Variants in SLC12A1 observed in about 807,000 individuals in gnomAD.
The protein encoded by SLC12A1 is Na-K-2Cl cotransporter.
In SLC12A1, 89 loss-of-function variants were observed where a neutral mutation model predicts 130.4. The ratio of observed to expected loss-of-function variants is 0.68; its 90% CI spans 0.58 to 0.81. The LOEUF is 0.81. Among genes scored for constraint, SLC12A1 ranks in the 40% least tolerant of loss-of-function variants. The probability of loss-of-function intolerance (pLI) is 0.00; values close to 1 mark genes in which losing one functional copy is unlikely to be tolerated. For missense variants in SLC12A1, 1,310 were observed against 1,336.4 expected, an observed-to-expected ratio of 0.98 and a Z score of 0.31; for synonymous variants, 499 against 460.0, an observed-to-expected ratio of 1.08 and a Z score of -1.09.
chr15:48,209,613 T>A (rs1169024870), intron 2 of SLC12A1, among the ~76,000 whole-genome samples: 3 of 152,216 alleles, frequency 2.0e-5, no homozygotes, highest in Non-Finnish European at 1.5e-5. Flanking sequence ...GTTCCTTCAA[T>A]ATTTTTTTAA....
intron 2 of SLC12A1, among the ~76,000 whole-genome samples, chr15:48,208,881 G>A (rs2141001097): frequency 6.6e-6 from 1 of 152,244 alleles, no homozygotes; most frequent in Admixed American, 6.5e-5. Flanking sequence ...AGAAAGGGCA[G>A]AGATTTATAA....
intron 2 of SLC12A1, among the ~76,000 whole-genome samples, chr15:48,208,510 G>T (rs1461714900): frequency 6.6e-6 from 1 of 152,034 alleles, no homozygotes; most frequent in Non-Finnish European, 1.5e-5. Context: ...ACAGGGTCTT[G>T]CTATGTTGCT....
rs75023774 is a variant in SLC12A1, at chr15:48,235,818, C to T, written c.1215+814C>T. 3.1e-3 allele frequency among the ~76,000 whole-genome samples: 477 copies of T among 152,174 alleles called. 2 individuals carry two copies. Among genetic ancestry groups the T allele is most frequent in the African/African-American group, 0.011 (460 of 41,510 alleles). ...AGATAACCTCTTTGTTTCACCGTTA[C>T]TTTGGGGCTTGCCCTCCATCTGCAA... On this transcript the variant is annotated intron_variant, in intron 9 of 26. Coordinates refer to ENST00000380993, the MANE Select transcript of SLC12A1 (RefSeq NM_000338.3).
At chr15:48,299,456 T>G in intron 25 of SLC12A1, among the ~76,000 whole-genome samples, 181 bp downstream of exon 25, 1 of 152,358 alleles carries the variant, frequency 6.6e-6, no homozygotes, top group Non-Finnish European at 1.5e-5. Context: ...TAGAAAACTT[T>G]TTCATTTTTT....
intron 24 of SLC12A1, among the ~76,000 whole-genome samples, chr15:48,293,702 G>A (rs1257915071): frequency 1.3e-5 from 2 of 152,090 alleles, no homozygotes; most frequent in East Asian, 3.8e-4. Context: ...ATTCTTTGAG[G>A]TTATTCATGA....
intron 15 of SLC12A1, among the ~76,000 whole-genome samples, chr15:48,254,764 A>G (rs997716911): frequency 6.6e-6 from 1 of 152,010 alleles, no homozygotes; most frequent in African/African-American, 2.4e-5. Context: ...TACTTAAAAA[A>G]ATACAAAAAA....
At position 48,244,767 on chromosome 15, in the gene SLC12A1, C is replaced by G; in HGVS notation, c.1315C>G (p.Arg439Gly). Residue 439 changes from arginine (R) to glycine (G), a missense_variant, in exon 11 of 27, where the codon CGA becomes GGA. Transcript: ENST00000380993. ...TGTTTCCACAGGGGCCTGTGTGGTCCGAGATGCCACCGGGAACATGAATGA... is the reference window on the plus strand; with the variant it reads ...TGTTTCCACAGGGGCCTGTGTGGTCGGAGATGCCACCGGGAACATGAATGA... ...VAICVGACVV[R>G]DATGNMNDTI... 6.2e-7 allele frequency: 1 copy of G among 1,613,766 alleles called. No homozygotes were observed. Among genetic ancestry groups the G allele is most frequent in the Non-Finnish European group, 8.5e-7 (1 of 1,179,848 alleles).
At chr15:48,279,946 G>C (rs2041993785) in intron 20 of SLC12A1, among the ~76,000 whole-genome samples, 1 of 152,148 alleles carries the variant, frequency 6.6e-6, no homozygotes, top group Non-Finnish European at 1.5e-5. Flanking sequence ...ACAGCACATT[G>C]ATTCATATGA....
intron 15 of SLC12A1, among the ~76,000 whole-genome samples, chr15:48,253,215 G>A (rs766900060): frequency 2.6e-5 from 4 of 152,120 alleles, no homozygotes; most frequent in Non-Finnish European, 5.9e-5. Flanking sequence ...ACTTACATAT[G>A]GCAAAATTCA....
Position 48,208,054 on chromosome 15 carries a change from TAG to T in SLC12A1, c.338_339del (p.Glu113ValfsTer4), listed in dbSNP as rs769340720. ...AACACCATGGATGCCGTTCCCAAGA[TAG>T]AGTACTATCGTAACACCGGCAGCAT... On this transcript the variant is annotated frameshift_variant, in exon 2 of 27. Transcript: ENST00000380993. LOFTEE classifies it high-confidence loss of function. The T allele has an allele frequency of 6.2e-7, 1 of 1,613,972 alleles. No individual in the cohort carries two copies.
chr15:48,229,764 A>C (rs992597991), intron 6 of SLC12A1, among the ~76,000 whole-genome samples: 3 of 152,234 alleles, frequency 2.0e-5, no homozygotes, highest in Non-Finnish European at 4.4e-5. Context: ...ACTCCAGAAA[A>C]CTAGCCATTT....
chr15:48,220,596 T>G (rs1418399196), intron 2 of SLC12A1, 38 bp from the exon 3 acceptor site: 1 of 1,587,870 alleles, frequency 6.3e-7, no homozygotes, highest in Non-Finnish European at 8.6e-7. Flanking sequence ...CTTTGTTCAT[T>G]GACCAACTAC....
At chr15:48,285,054 T>C (rs2042042881) in intron 20 of SLC12A1, 52 bp from the exon 21 acceptor site, 2 of 1,395,006 alleles carry the variant, frequency 1.4e-6, no homozygotes, top group Non-Finnish European at 1.9e-6. Flanking sequence ...AGATTGTTTC[T>C]AGAAACTTTG....
In SLC12A1 at chr15:48,229,291, T is replaced by C; in HGVS notation, c.827T>C (p.Val276Ala). The C allele has an allele frequency of 3.7e-6, 6 of 1,605,138 alleles. No homozygotes were observed. Among genetic ancestry groups the C allele is most frequent in the Non-Finnish European group, 5.1e-6 (6 of 1,175,458 alleles). The change falls in exon 6 of 27, where the codon GTG (valine) becomes GCG (alanine). Residue 276 changes from valine (V) to alanine (A), a missense_variant. Val to Ala is a moderately conservative substitution (Grantham distance 64, BLOSUM62 0). Transcript: ENST00000380993. Reference sequence around the variant, plus strand: ...AATGCAGTGGCTGTTGCTATGTATGTGGTGGGATTTGCTGAGACTGTAGTA... The same window carrying C: ...AATGCAGTGGCTGTTGCTATGTATGCGGTGGGATTTGCTGAGACTGTAGTA... ...FANAVAVAMY[V>A]VGFAETVVDL... is the part of the protein sequence containing the mutation.
intron 2 of SLC12A1, among the ~76,000 whole-genome samples, chr15:48,210,693 TAA>T (rs34235092): frequency 0.016 from 1,978 of 122,624 alleles, 23 homozygotes; most frequent in African/African-American, 0.034. Context: ...CTTCTCTACT[TAA>T]AAAAAAAAAA....
Position 48,256,305 on chromosome 15 carries a change from G to T in SLC12A1, c.2042+395G>T, listed in dbSNP as rs375836180. ...TAATCCTTTTAGCTTTTCATTAGTT[G>T]TATCTTATTTTGAATAAAACCTCAA... On this transcript the variant is annotated intron_variant, in intron 16 of 26. Coordinates refer to ENST00000380993, the MANE Select transcript of SLC12A1 (RefSeq NM_000338.3). Among the ~76,000 whole-genome samples, 89 of 152,268 alleles carry T rather than the reference G, an allele frequency of 5.8e-4. 3 individuals carry two copies. In the South Asian group the frequency reaches 0.018, roughly 31 times the overall value.
At chr15:48,248,925 T>C (rs1274722035) in intron 13 of SLC12A1, among the ~76,000 whole-genome samples, 2 of 152,044 alleles carry the variant, frequency 1.3e-5, no homozygotes, top group Non-Finnish European at 2.9e-5. Flanking sequence ...GTGCCTATAG[T>C]CCCAGCTACT....
chr15:48,229,287 T>C lies in SLC12A1; in HGVS notation c.823T>C (p.Tyr275His). The part of the protein sequence containing the change: ...AFANAVAVAM[Y>H]VVGFAETVVD... ...TGCTAATGCAGTGGCTGTTGCTATG[T>C]ATGTGGTGGGATTTGCTGAGACTGT... Residue 275 changes from tyrosine (Y) to histidine (H), a missense_variant, in exon 6 of 27, where the codon TAT (tyrosine) becomes CAT (histidine). Physicochemically the swap from Tyr to His is moderately conservative, Grantham distance 83. Coordinates refer to ENST00000380993, the MANE Select transcript of SLC12A1 (RefSeq NM_000338.3). 2 of 1,605,672 alleles carry C rather than the reference T, an allele frequency of 1.2e-6. No homozygotes were observed. Among genetic ancestry groups the C allele is most frequent in the Non-Finnish European group, 1.7e-6 (2 of 1,175,748 alleles).
intron 2 of SLC12A1, among the ~76,000 whole-genome samples, chr15:48,209,744 G>A (rs536937764): frequency 5.9e-5 from 9 of 152,010 alleles, no homozygotes; most frequent in East Asian, 5.8e-4. Flanking sequence ...TCTCCAAATC[G>A]TATTTGCCTT....
Sources: allele counts gnomAD v4.1 joint callset (sites outside exome capture counted in the v4.1 genomes callset), GRCh38; gene constraint gnomAD v4.1.1; transcripts MANE v1.5; gene names NCBI Gene and HGNC (gene_info 2026-07-23, HGNC 2026-07-21).